Variants in SYNE1 observed in about 807,000 individuals in gnomAD.
SYNE1 encodes the protein spectrin repeat containing nuclear envelope protein 1.
In SYNE1, 616 loss-of-function variants were observed where a neutral mutation model predicts 1,111.0. That is an observed-to-expected ratio of 0.55 (90% CI 0.52 to 0.59). The LOEUF (loss-of-function observed/expected upper bound fraction) is 0.59. Among genes scored for constraint, SYNE1 ranks in the 20% least tolerant of loss-of-function variants. SYNE1 has a pLI of 0.00. For missense variants in SYNE1, 10,006 were observed against 10,417.0 expected (o/e 0.96, Z 1.72); for synonymous variants, 3,855 against 3,825.8 (o/e 1.01, Z -0.28).
chr6:152,502,132 TTAA>T (rs2099033194), intron 10 of SYNE1, among the ~76,000 whole-genome samples: 1 of 152,208 alleles, frequency 6.6e-6, no homozygotes, highest in Non-Finnish European at 1.5e-5. Context: ...ATGAAAAATG[TTAA>T]TGTTATTTAA....
chr6:152,612,757 T>A (rs2099635125), intron 3 of SYNE1, among the ~76,000 whole-genome samples: 1 of 152,180 alleles, frequency 6.6e-6, no homozygotes, highest in African/African-American at 2.4e-5. Flanking sequence ...AGTAAAATAC[T>A]GGCAAACCGA....
At chr6:152,510,392 A>G in intron 7 of SYNE1, 21 bp from the exon 8 acceptor site, 1 of 1,612,706 alleles carries the variant, frequency 6.2e-7, no homozygotes, top group Non-Finnish European at 8.5e-7. Flanking sequence ...GTTAACAGCC[A>G]GCAAAAATAT....
chr6:152,381,302 G>C lies in SYNE1; in HGVS notation c.8713C>G (p.Pro2905Ala), dbSNP rs1450379988. ...GCAGTTGTGTTCTGTTTCACTTCGG[G>C]AGCCAGCGACTCCACTCTGCTGAGA... ...SRLSRVESLA[P>A]EVKQNTTASG... Residue 2905 changes from proline to alanine, a missense_variant, in exon 56 of 146, where the codon CCC becomes GCC. Coordinates refer to ENST00000367255, the MANE Select transcript of SYNE1 (RefSeq NM_182961.4). 1 of 1,614,008 alleles carries C rather than the reference G, an allele frequency of 6.2e-7. No homozygotes were observed. Among genetic ancestry groups the C allele is most frequent in the Non-Finnish European group, 8.5e-7 (1 of 1,180,046 alleles).
chr6:152,262,296 C>T, intron 100 of SYNE1, 108 bp from the exon 101 acceptor site: 1 of 1,018,470 alleles, frequency 9.8e-7, no homozygotes, highest in South Asian at 1.3e-5. Context: ...ATAAGATTAC[C>T]TTAGTTATTA....
At chr6:152,206,680 G>T (rs2076577269) in intron 125 of SYNE1, among the ~76,000 whole-genome samples, 1 of 152,172 alleles carries the variant, frequency 6.6e-6, no homozygotes, top group South Asian at 2.1e-4. Flanking sequence ...AGCAGTAAAG[G>T]CTGAATGTGT....
intron 104 of SYNE1, among the ~76,000 whole-genome samples, chr6:152,250,746 C>T (rs1418505783): frequency 6.6e-6 from 1 of 152,144 alleles, no homozygotes; most frequent in Non-Finnish European, 1.5e-5. Context: ...TCACGTGGGC[C>T]ATTAAAACCA....
At chr6:152,561,679 A>G (rs1473476498) in intron 3 of SYNE1, among the ~76,000 whole-genome samples, 2 of 152,176 alleles carry the variant, frequency 1.3e-5, no homozygotes, top group Non-Finnish European at 2.9e-5. Flanking sequence ...ATATAGCTAT[A>G]GTGATCAAAA....
At chr6:152,295,480 T>C (rs1301513048) in intron 93 of SYNE1, among the ~76,000 whole-genome samples, 1 of 152,174 alleles carries the variant, frequency 6.6e-6, no homozygotes, top group Admixed American at 6.5e-5. Context: ...GACTTGTAGT[T>C]ATGTCTGAAG....
chr6:152,316,046 T>A (rs1157891493), intron 87 of SYNE1: 1 of 152,276 alleles, frequency 6.6e-6, no homozygotes, highest in Non-Finnish European at 1.5e-5. Flanking sequence ...TTTTATTATA[T>A]GATAACTAGC....
At chr6:152,536,273 C>T (rs1356150307) in intron 4 of SYNE1, among the ~76,000 whole-genome samples, 2 of 148,380 alleles carry the variant, frequency 1.3e-5, no homozygotes, top group Non-Finnish European at 3.0e-5. Context: ...GGCTCATGAC[C>T]ACCCTTTATT....
Position 152,148,067 on chromosome 6 carries a change from G to C in SYNE1, c.24954C>G (p.Leu8318=). 6.2e-7 allele frequency: 1 copy of C among 1,614,094 alleles called. No individual in the cohort carries two copies. The change falls in exon 137 of 146, where the codon CTC becomes CTG. Residue 8318 remains leucine (L), a synonymous_variant. Coordinates refer to ENST00000367255, the MANE Select transcript of SYNE1 (RefSeq NM_182961.4). The surrounding 1 kb of genome is among the most constrained non-coding windows in gnomAD (Gnocchi z 4.1). The part of the protein sequence containing the change: ...EEGQDDKDFY[L]RGAVGLSGDH... Reference sequence around the variant, plus strand: ...TACCTGATAAGCCAACAGCTCCCCGGAGGTAGAAATCTTTGTCATCCTGAC... The same window carrying C: ...TACCTGATAAGCCAACAGCTCCCCGCAGGTAGAAATCTTTGTCATCCTGAC...
rs1420983609 is a variant in SYNE1, at chr6:152,465,428, T to C, written c.1762A>G (p.Asn588Asp). The C allele has an allele frequency of 3.1e-6, 5 of 1,613,518 alleles. No individual in the cohort carries two copies. The highest frequency in any genetic ancestry group is 4.2e-6 in the Non-Finnish European group (5 of 1,179,730). The change falls in exon 18 of 146, where the codon AAT (asparagine) becomes GAT (aspartate). Residue 588 changes from asparagine (N) to aspartate (D), a missense_variant. By Grantham distance (23) the Asn-to-Asp change is conservative (BLOSUM62 1). Transcript: ENST00000367255. ...TTCCTCCACTGAGCGGTGGTTTCATTCATGAATTTCATCACATTCTCAGCT... is the reference window on the plus strand; with the variant it reads ...TTCCTCCACTGAGCGGTGGTTTCATCCATGAATTTCATCACATTCTCAGCT... ...EEAENVMKFMNETTAQWRNLS... is the reference protein window; with the variant it reads ...EEAENVMKFMDETTAQWRNLS...
chr6:152,444,612 C>T, intron 29 of SYNE1, 34 bp from the exon 30 acceptor site: 2 of 1,565,372 alleles, frequency 1.3e-6, no homozygotes, highest in Admixed American at 1.8e-5. Context: ...ACACGTAAAT[C>T]ATATGCTACT....
rs2076487533 is a variant in SYNE1 at position 152,206,261 on chromosome 6, G to C, written c.22926C>G (p.Ala7642=). 1 of 1,613,796 alleles carries C rather than the reference G, an allele frequency of 6.2e-7. No individual in the cohort carries two copies. The highest frequency in any genetic ancestry group is 1.1e-5 in the South Asian group (1 of 91,060). Residue 7642 remains alanine (A), a synonymous_variant, in exon 126 of 146, where the codon GCC becomes GCG. Coordinates refer to ENST00000367255, the MANE Select transcript of SYNE1 (RefSeq NM_182961.4). ...GGATTTCAGCGAGTTCGGCCTGCAA[G>C]GCGGCCTCAGCGCCACTGTCCGCCG... The part of the protein sequence containing the change: ...LLSADSGAEA[A]LQAELAEIQE...
rs556259748 is a variant in SYNE1, at chr6:152,596,910, G to A, written c.67+31355C>T. 5.9e-5 allele frequency among the ~76,000 whole-genome samples: 9 copies of A among 152,282 alleles called. No individual in the cohort carries two copies. In the South Asian group the frequency reaches 1.2e-3, roughly 21 times the overall value. ...GGTCCTCTCTAAAGGCACAGACAAA[G>A]GCACAAGCAAAAACTGCTCATCCTC... On this transcript the variant is annotated intron_variant, in intron 3 of 145. Transcript: ENST00000367255.
chr6:152,556,842 C>T (rs949638163), intron 3 of SYNE1, among the ~76,000 whole-genome samples: 4 of 152,110 alleles, frequency 2.6e-5, no homozygotes, highest in Admixed American at 2.6e-4. Flanking sequence ...TGAAGACTGG[C>T]AAATGTGCCT....
chr6:152,323,596 C>T lies in SYNE1; in HGVS notation c.15799G>A (p.Ala5267Thr), dbSNP rs2095951631. 2 of 1,614,112 alleles carry T rather than the reference C, an allele frequency of 1.2e-6. No homozygotes were observed. The highest frequency in any genetic ancestry group is 1.7e-6 in the Non-Finnish European group (2 of 1,180,052). ...FVLELEQQQS[A>T]LGMLRQQTLS... ...GTTTGCTGCCGCAGCATGCCCAAGG[C>T]CGACTGCTGCTGCTCCAGCTCCAGA... Residue 5267 changes from alanine (A) to threonine (T), a missense_variant, in exon 82 of 146, where the codon GCC (alanine) becomes ACC (threonine). Physicochemically the swap from Ala to Thr is moderately conservative, Grantham distance 58. Around this residue, in one of 7 missense-constraint regions of SYNE1, gnomAD observed 4,955 missense variants for 5,017.2 expected, o/e 0.99. Coordinates refer to ENST00000367255, the MANE Select transcript of SYNE1 (RefSeq NM_182961.4).
At chr6:152,598,124 A>C (rs1171233164) in intron 3 of SYNE1, among the ~76,000 whole-genome samples, 2 of 152,148 alleles carry the variant, frequency 1.3e-5, no homozygotes, top group Non-Finnish European at 2.9e-5. Flanking sequence ...TCCCCACCCA[A>C]ATCTAATCTT....
At chr6:152,224,416 A>T (rs2080974766) in intron 117 of SYNE1, 78 bp downstream of exon 117, 3 of 1,237,856 alleles carry the variant, frequency 2.4e-6, no homozygotes, top group Admixed American at 3.5e-5. Context: ...ATATTTCAGG[A>T]TGATGTCTCC....
Sources: allele counts gnomAD v4.1 joint callset (sites outside exome capture counted in the v4.1 genomes callset), GRCh38; gene constraint gnomAD v4.1.1; regional missense constraint gnomAD v4.1.1; non-coding constraint Gnocchi (gnomAD v3.1); transcripts MANE v1.5; gene names NCBI Gene and HGNC (gene_info 2026-07-23, HGNC 2026-07-21).